Variants in GALNT17 observed in about 807,000 individuals in gnomAD.
The protein encoded by GALNT17 is polypeptide N-acetylgalactosaminyltransferase 17.
In GALNT17, 29 loss-of-function variants were observed where a neutral mutation model predicts 63.7. The ratio of observed to expected loss-of-function variants is 0.46; its 90% confidence interval spans 0.34 to 0.62. The LOEUF is 0.62. Among genes scored for constraint, GALNT17 ranks in the 20% least tolerant of loss-of-function variants. The pLI is 0.01. For missense variants in GALNT17, 603 were observed against 799.6 expected (o/e 0.75, Z 2.97); for synonymous variants, 305 against 318.3 (o/e 0.96, Z 0.45).
chr7:71,154,426 A>G (rs1562868845), intron 1 of GALNT17, among the ~76,000 whole-genome samples: 1 of 152,156 alleles, frequency 6.6e-6, no homozygotes, highest in South Asian at 2.1e-4. Context: ...AAATAAGTAC[A>G]GTCATTGTTT....
chr7:71,481,599 AG>A (rs1433025938), intron 5 of GALNT17, among the ~76,000 whole-genome samples: 4 of 152,184 alleles, frequency 2.6e-5, no homozygotes, highest in Non-Finnish European at 5.9e-5. Flanking sequence ...TGGAAGGTGC[AG>A]GGGGAAACAG....
chr7:71,354,860 CA>C (rs1792253631), intron 2 of GALNT17, among the ~76,000 whole-genome samples: 1 of 152,080 alleles, frequency 6.6e-6, no homozygotes, highest in African/African-American at 2.4e-5. Flanking sequence ...ATGGTTTTTG[CA>C]ATTTTTTTCC....
intron 1 of GALNT17, among the ~76,000 whole-genome samples, chr7:71,135,857 C>G (rs1179127332): frequency 2.0e-5 from 3 of 152,150 alleles, no homozygotes; most frequent in Non-Finnish European, 4.4e-5. Flanking sequence ...TAAACAGTTC[C>G]CGGACTGGTG....
intron 5 of GALNT17, among the ~76,000 whole-genome samples, chr7:71,501,268 C>T (rs1788176637): frequency 1.3e-5 from 2 of 151,530 alleles, no homozygotes. Context: ...CGCGCCCAGC[C>T]TAGTTTAATT....
At chr7:71,154,839 G>A (rs1788204462) in intron 1 of GALNT17, among the ~76,000 whole-genome samples, 3 of 151,876 alleles carry the variant, frequency 2.0e-5, no homozygotes, top group Admixed American at 2.0e-4. Context: ...GCCTCCCAAA[G>A]TGCTGGGATT....
rs957941395 is a variant in GALNT17 at position 71,670,234 on chromosome 7, T to C, written c.1404+125T>C. On this transcript the variant is annotated intron_variant, in intron 8 of 10. Coordinates refer to ENST00000333538, the MANE Select transcript of GALNT17 (RefSeq NM_022479.3). Reference sequence around the variant, plus strand: ...GAGTGGTTTTTGGAGGTGCTGGCCCTGATAGCAAGATTCTCTCTAGCTGGG... The same window carrying C: ...GAGTGGTTTTTGGAGGTGCTGGCCCCGATAGCAAGATTCTCTCTAGCTGGG... 5.3e-6 allele frequency: 7 copies of C among 1,310,722 alleles called. No individual in the cohort carries two copies. The Admixed American group carries it at 1.4e-4, about 26-fold the overall frequency. The allele number at this position is 1,310,722 out of a possible 1,614,324, so 81.2% of individuals were successfully genotyped here.
intron 1 of GALNT17, among the ~76,000 whole-genome samples, chr7:71,214,083 C>A (rs1306009757): frequency 6.6e-6 from 1 of 152,208 alleles, no homozygotes; most frequent in Admixed American, 6.5e-5. Context: ...GGTATTGCTT[C>A]TTATTTTTCA....
At chr7:71,581,407 G>T (rs926984162) in intron 6 of GALNT17, among the ~76,000 whole-genome samples, 1 of 152,030 alleles carries the variant, frequency 6.6e-6, no homozygotes, top group Non-Finnish European at 1.5e-5. Context: ...TGATCCACCC[G>T]CCTTGGCCTC....
chr7:71,646,634 A>G (rs1034120002), intron 6 of GALNT17, among the ~76,000 whole-genome samples: 1 of 152,154 alleles, frequency 6.6e-6, no homozygotes, highest in Non-Finnish European at 1.5e-5. Flanking sequence ...GCTGTAACAA[A>G]AGCAAGTGAG....
rs371542603 is a variant in GALNT17, at chr7:71,571,456, G to A, written c.1080+54G>A. ...GTGTGCCCATGTTTGTGAGCAGAGC[G>A]TCTTGGTCATCCGTGGGGTGTATTT... is the stretch of plus-strand genomic sequence containing the variant. On this transcript the variant is annotated intron_variant, in intron 6 of 10. Transcript: ENST00000333538. The A allele has an allele frequency of 8.4e-4, 1,224 of 1,461,578 alleles. 15 individuals are homozygous for A. In the South Asian group the frequency reaches 0.011, roughly 13 times the overall value. 90.5% of individuals were successfully genotyped at this position (1,461,578 alleles called of 1,614,324 possible).
At chr7:71,228,005 A>T (rs1442533019) in intron 1 of GALNT17, among the ~76,000 whole-genome samples, 1 of 152,064 alleles carries the variant, frequency 6.6e-6, no homozygotes, top group Non-Finnish European at 1.5e-5. Flanking sequence ...ATTCAGCCCG[A>T]TAGAGGAGGA....
At chr7:71,369,221 C>T (rs1349947093) in intron 2 of GALNT17, among the ~76,000 whole-genome samples, 1 of 152,194 alleles carries the variant, frequency 6.6e-6, no homozygotes, top group South Asian at 2.1e-4. Context: ...TATCAAGTAT[C>T]TGGGATGAGC....
At chr7:71,532,179 TCTC>T (rs1333432261) in intron 5 of GALNT17, among the ~76,000 whole-genome samples, 3 of 152,126 alleles carry the variant, frequency 2.0e-5, no homozygotes, top group Admixed American at 2.0e-4. Flanking sequence ...CCTGTTTCCT[TCTC>T]CTGACTTTGA....
intron 2 of GALNT17, among the ~76,000 whole-genome samples, chr7:71,373,736 G>C (rs1409745103): frequency 2.0e-5 from 3 of 152,126 alleles, no homozygotes; most frequent in Non-Finnish European, 4.4e-5. Flanking sequence ...AGATGGAACA[G>C]TTTCATTCTT....
chr7:71,335,740 T>A lies in GALNT17; in HGVS notation c.422+7T>A, dbSNP rs775192920. ...CGGATTATCGTCCCACCAAGTAAGT[T>A]CTGGTTCAGTCATTTGCGGAGCTTG... On this transcript the variant is annotated splice_region_variant and intron_variant, in intron 2 of 10. Coordinates refer to ENST00000333538, the MANE Select transcript of GALNT17 (RefSeq NM_022479.3). 4 of 1,591,332 alleles carry A rather than the reference T, an allele frequency of 2.5e-6. No individual in the cohort carries two copies. Among genetic ancestry groups the A allele is most frequent in the Admixed American group, 1.7e-5 (1 of 57,542 alleles).
chr7:71,693,955 T>C (rs1791501535), intron 9 of GALNT17, among the ~76,000 whole-genome samples: 1 of 152,084 alleles, frequency 6.6e-6, no homozygotes, highest in Admixed American at 6.6e-5. Context: ...ATTTAATCCG[T>C]TATTTTATTA....
At chr7:71,346,778 G>T (rs1792104211) in intron 2 of GALNT17, among the ~76,000 whole-genome samples, 1 of 149,602 alleles carries the variant, frequency 6.7e-6, no homozygotes, top group Admixed American at 6.7e-5. Flanking sequence ...TGGGTGGGTG[G>T]AGTTACTTCT....
At chr7:71,155,573 T>G (rs115851740) in intron 1 of GALNT17, among the ~76,000 whole-genome samples, 2,081 of 151,668 alleles carry the variant, frequency 0.014, 117 homozygotes, top group African/African-American at 0.048. Flanking sequence ...GCGCCCAGCT[T>G]CTTCTTTTTT....
intron 1 of GALNT17, among the ~76,000 whole-genome samples, chr7:71,253,425 G>A (rs1217695008): frequency 6.6e-6 from 1 of 151,986 alleles, no homozygotes; most frequent in Non-Finnish European, 1.5e-5. Context: ...TCTCCCACGG[G>A]ATCCCTCCTA....
Sources: allele counts gnomAD v4.1 joint callset (sites outside exome capture counted in the v4.1 genomes callset), GRCh38; gene constraint gnomAD v4.1.1; transcripts MANE v1.5; gene names NCBI Gene and HGNC (gene_info 2026-07-23, HGNC 2026-07-21).